SRGAP3: variants seen among roughly 807,000 people sequenced by gnomAD.
SRGAP3 encodes the protein SLIT-ROBO Rho GTPase-activating protein 3.
A neutral mutation model predicts 121.1 loss-of-function variants in SRGAP3; 39 were observed. The observed-to-expected ratio is 0.32, with a 90% CI of 0.25 to 0.42. SRGAP3 has a LOEUF of 0.42. Ranked by LOEUF, SRGAP3 falls within the 10% of genes least tolerant of loss-of-function variation. The pLI is 1.00. For missense variants in SRGAP3, 1,213 were observed against 1,470.6 expected, an observed-to-expected ratio of 0.82 and a Z score of 2.86; for synonymous variants, 601 against 570.0, an observed-to-expected ratio of 1.05 and a Z score of -0.77.
chr3:9,337,482 T>C (rs1388198750), intron 1 of SRGAP3: 1 of 152,188 alleles, frequency 6.6e-6, no homozygotes, highest in African/African-American at 2.4e-5. Context: ...AACAGGTGAT[T>C]AGAGAATCCC....
At chr3:9,215,232 C>T (rs1296590296) in intron 1 of SRGAP3, among the ~76,000 whole-genome samples, 2 of 152,170 alleles carry the variant, frequency 1.3e-5, no homozygotes, top group African/African-American at 4.8e-5. Flanking sequence ...CTTTTTCCAC[C>T]CAATCCCAAA....
chr3:9,007,645 C>G (rs1262827439), intron 18 of SRGAP3: 1 of 152,204 alleles, frequency 6.6e-6, no homozygotes, highest in African/African-American at 2.4e-5. Context: ...TTATCCACCT[C>G]CCTGTCCCAG....
intron 3 of SRGAP3, among the ~76,000 whole-genome samples, chr3:9,320,169 G>C (rs1180979685): frequency 1.3e-5 from 2 of 151,902 alleles, no homozygotes; most frequent in Non-Finnish European, 2.9e-5. Context: ...TGTTAACCTG[G>C]TAAGTAAACT....
chr3:9,068,392 C>T (rs1946527768), intron 4 of SRGAP3, among the ~76,000 whole-genome samples: 1 of 152,136 alleles, frequency 6.6e-6, no homozygotes, highest in Admixed American at 6.5e-5. Flanking sequence ...TCTTGAGCCA[C>T]AGAGTACTCT....
chr3:9,067,709 G>C (rs1030329719), intron 4 of SRGAP3, among the ~76,000 whole-genome samples: 9 of 152,196 alleles, frequency 5.9e-5, no homozygotes, highest in Non-Finnish European at 1.5e-5. Flanking sequence ...TTAATGCCTA[G>C]GTGATGGGCC....
Position 9,295,791 on chromosome 3 carries a change from C to T in SRGAP3, n.442+30219G>A, listed in dbSNP as rs149865120. On this transcript the variant is annotated intron_variant and non_coding_transcript_variant, in intron 3 of 3. Transcript: ENST00000490889. ...ACTGAAACTCTGTACCCATTAAACA[C>T]GAACTCCCCATTCTCCTCTTCCCCA... is the stretch of plus-strand genomic sequence containing the variant. Among the ~76,000 whole-genome samples the T allele has an allele frequency of 3.7e-4, 56 of 152,256 alleles. 1 individual carries two copies. Among genetic ancestry groups the T allele is most frequent in the Non-Finnish European group, 7.4e-5 (5 of 68,018 alleles).
intron 17 of SRGAP3, among the ~76,000 whole-genome samples, chr3:9,010,946 T>A (rs1446156994): frequency 6.6e-6 from 1 of 152,128 alleles, no homozygotes; most frequent in East Asian, 1.9e-4. Context: ...TCCATCAGAT[T>A]TAATTGTTAA....
intron 8 of SRGAP3, among the ~76,000 whole-genome samples, 174 bp from the exon 9 acceptor site, chr3:9,053,398 A>G (rs1945675039): frequency 6.6e-6 from 1 of 152,224 alleles, no homozygotes; most frequent in African/African-American, 2.4e-5. Flanking sequence ...TTAGTCACCA[A>G]CCCAAAATCA....
intron 10 of SRGAP3, among the ~76,000 whole-genome samples, chr3:9,044,552 G>A (rs1267899362): frequency 6.6e-6 from 1 of 152,138 alleles, no homozygotes; most frequent in Non-Finnish European, 1.5e-5. Flanking sequence ...TCAGGCCACA[G>A]ATAACCACAA....
chr3:9,104,521 G>T (rs1209578852), intron 3 of SRGAP3, among the ~76,000 whole-genome samples, 159 bp downstream of exon 3: 1 of 152,184 alleles, frequency 6.6e-6, no homozygotes, highest in Non-Finnish European at 1.5e-5. Flanking sequence ...CAAATGGGCT[G>T]GGGTCCCAAG....
intron 3 of SRGAP3, among the ~76,000 whole-genome samples, chr3:9,262,533 G>GAAAAAAAAAAA (rs1954274099): frequency 4.5e-4 from 2 of 4,476 alleles, no homozygotes; most frequent in Non-Finnish European, 6.5e-4. Context: ...CAAATGGAAA[G>GAAAAAAAAAAA]CAAAAAAAAA....
chr3:9,180,536 T>G (rs1326410621), intron 1 of SRGAP3, among the ~76,000 whole-genome samples: 2 of 152,016 alleles, frequency 1.3e-5, no homozygotes, highest in Non-Finnish European at 2.9e-5. Context: ...AGAGGCTGAC[T>G]TCAAGTCTGG....
rs368511705 is a variant in SRGAP3, at chr3:8,982,496, T to G, written c.*3023A>C. 4.5e-6 allele frequency: 1 copy of G among 222,050 alleles called. No individual in the cohort carries two copies. Among genetic ancestry groups the G allele is most frequent in the Non-Finnish European group, 9.0e-6 (1 of 110,856 alleles). 13.8% of individuals were successfully genotyped at this position (222,050 alleles called of 1,614,324 possible). A position where few individuals can be genotyped will look rare whatever the true frequency, so the allele number is the denominator to read the frequency against. ...AGGTGCAAAGATTTGGTGAGTGGCA[T>G]TGGCTAAAATTTAATTGTAGCCTTT... On this transcript the variant is annotated 3_prime_UTR_variant, in exon 22 of 22. Coordinates refer to ENST00000383836, the MANE Select transcript of SRGAP3 (RefSeq NM_014850.4).
At chr3:9,123,396 CA>C (rs1949093285) in intron 2 of SRGAP3, among the ~76,000 whole-genome samples, 9 of 5,250 alleles carry the variant, frequency 1.7e-3, no homozygotes, top group Admixed American at 3.7e-3. Context: ...TATACATACA[CA>C]ATACACATAC....
At chr3:9,131,024 A>G (rs1389879312) in intron 1 of SRGAP3, among the ~76,000 whole-genome samples, 2 of 152,224 alleles carry the variant, frequency 1.3e-5, no homozygotes, top group Non-Finnish European at 2.9e-5. Context: ...CTGGCAGAGC[A>G]TCCTCTGCAG....
At chr3:9,310,244 C>T (rs572449775) in intron 3 of SRGAP3, among the ~76,000 whole-genome samples, 3 of 152,134 alleles carry the variant, frequency 2.0e-5, no homozygotes, top group South Asian at 2.1e-4. Context: ...TTGGAGTGGC[C>T]CCAAGGTCAG....
intron 1 of SRGAP3, among the ~76,000 whole-genome samples, chr3:9,194,785 C>T (rs553455607): frequency 2.5e-4 from 38 of 152,332 alleles, no homozygotes; most frequent in African/African-American, 8.7e-4. Context: ...CAAGTCAGGA[C>T]GTGAATAAAA....
intron 9 of SRGAP3, 41 bp downstream of exon 9, chr3:9,052,986 C>T: frequency 1.2e-6 from 2 of 1,606,176 alleles, no homozygotes; most frequent in Non-Finnish European, 1.7e-6. Context: ...CTGCCAGTGG[C>T]TTGGCCGACA....
At chr3:9,303,871 T>A (rs974127975) in intron 3 of SRGAP3, among the ~76,000 whole-genome samples, 2 of 152,202 alleles carry the variant, frequency 1.3e-5, no homozygotes, top group Non-Finnish European at 2.9e-5. Context: ...TCAACACACA[T>A]CTGCCTACAG....
Sources: gnomAD v4.1 joint callset for allele counts (sites outside exome capture counted in the v4.1 genomes callset) on GRCh38, gnomAD v4.1.1 for gene constraint, MANE v1.5 for transcripts, NCBI Gene and HGNC (gene_info 2026-07-23, HGNC 2026-07-21) for gene names.